The following DDC variants were observed in gnomAD, a reference collection of about 807,000 sequenced individuals.
The protein encoded by DDC is dopa decarboxylase.
DDC carries 43 observed loss-of-function variants against 60.0 expected under a neutral mutation model. The observed-to-expected ratio is 0.72, with a 90% confidence interval of 0.56 to 0.92. The LOEUF is 0.92. Ranked by LOEUF, DDC falls within the 40% of genes least tolerant of loss-of-function variation. The pLI is 0.00. For missense variants in DDC, 573 were observed against 620.2 expected (o/e 0.92, Z 0.81); for synonymous variants, 232 against 234.6 (o/e 0.99, Z 0.10).
At chr7:50,526,287 T>C (rs889602892) in intron 6 of DDC, among the ~76,000 whole-genome samples, 4 of 152,166 alleles carry the variant, frequency 2.6e-5, no homozygotes, top group Admixed American at 1.3e-4. Context: ...TCAATGGACT[T>C]ATACAAAGTA....
At chr7:50,548,858 AAAACTTC>A (rs1173511805) in intron 1 of DDC, among the ~76,000 whole-genome samples, 1 of 152,242 alleles carries the variant, frequency 6.6e-6, no homozygotes, top group African/African-American at 2.4e-5. Context: ...GCCCGGCTTC[AAAACTTC>A]AAAGTACAGG....
chr7:50,499,066 G>A, intron 8 of DDC, 82 bp downstream of exon 8: 2 of 1,087,096 alleles, frequency 1.8e-6, no homozygotes, highest in South Asian at 2.5e-5. Context: ...GCAAGAGACT[G>A]GACGTCAGCT....
At chr7:50,549,983 T>C (rs1040985865) in intron 1 of DDC, among the ~76,000 whole-genome samples, 3 of 152,174 alleles carry the variant, frequency 2.0e-5, no homozygotes, top group Non-Finnish European at 4.4e-5. Context: ...ATTTAGAATA[T>C]TACATAAACT....
At chr7:50,512,626 C>T (rs1299294933) in intron 6 of DDC, among the ~76,000 whole-genome samples, 2 of 152,174 alleles carry the variant, frequency 1.3e-5, no homozygotes, top group East Asian at 3.8e-4. Context: ...GAACTGTCCT[C>T]CAAATATTGG....
intron 9 of DDC, among the ~76,000 whole-genome samples, chr7:50,491,057 A>G (rs1053479069): frequency 3.9e-5 from 6 of 152,172 alleles, no homozygotes; most frequent in Admixed American, 6.5e-5. Flanking sequence ...CCTGGCTACA[A>G]TTCTGGAAAA....
rs748439275 is a variant in DDC, at chr7:50,539,945, G to T, written c.285C>A (p.Cys95Ter). The change falls in exon 3 of 15, where the codon TGC becomes TGA. Residue 95 changes from cysteine to a stop codon, truncating the protein, a stop_gained. Coordinates refer to ENST00000444124, the MANE Select transcript of DDC (RefSeq NM_001082971.2). LOFTEE classifies it high-confidence loss of function. Reference sequence around the variant, plus strand: ...AGAAGCCGATGCAGCCAATGGCCCCGCACAGCATGTCCGCAAGCATGGCCG... The same window carrying T: ...AGAAGCCGATGCAGCCAATGGCCCCTCACAGCATGTCCGCAAGCATGGCCG... Reference protein sequence around the residue: ...SYPAMLADMLCGAIGCIGFSW... With the variant: ...SYPAMLADML 6.2e-7 allele frequency: 1 copy of T among 1,613,692 alleles called. No individual in the cohort carries two copies. The highest frequency in any genetic ancestry group is 8.5e-7 in the Non-Finnish European group (1 of 1,179,876).
intron 6 of DDC, among the ~76,000 whole-genome samples, chr7:50,511,766 A>C (rs1350901427): frequency 6.6e-6 from 1 of 152,154 alleles, no homozygotes; most frequent in East Asian, 1.9e-4. Flanking sequence ...ATTGATTCAC[A>C]TACTAAGAGA....
intron 1 of DDC, among the ~76,000 whole-genome samples, chr7:50,544,941 A>G (rs1169265618): frequency 6.6e-6 from 1 of 152,240 alleles, no homozygotes; most frequent in Admixed American, 6.5e-5. Context: ...ACTCACAGCC[A>G]ACAGCACTGT....
intron 1 of DDC, among the ~76,000 whole-genome samples, chr7:50,564,969 A>G (rs1336871495): frequency 6.6e-6 from 1 of 152,174 alleles, no homozygotes; most frequent in African/African-American, 2.4e-5. Flanking sequence ...ACCCAACACC[A>G]TCCCTGGTGG....
chr7:50,502,607 G>T (rs1229805009), intron 7 of DDC, among the ~76,000 whole-genome samples: 3 of 152,194 alleles, frequency 2.0e-5, no homozygotes, highest in African/African-American at 7.2e-5. Context: ...CCCCAGCCCG[G>T]GGCTGTGCAC....
At chr7:50,466,383 G>T (rs975255281) in intron 13 of DDC, among the ~76,000 whole-genome samples, 7 of 151,354 alleles carry the variant, frequency 4.6e-5, no homozygotes, top group African/African-American at 1.5e-4. Context: ...TACTCAAAAG[G>T]CTGAAGCAGG....
chr7:50,523,055 A>G (rs2043942776), intron 6 of DDC, among the ~76,000 whole-genome samples: 1 of 152,204 alleles, frequency 6.6e-6, no homozygotes, highest in South Asian at 2.1e-4. Flanking sequence ...GAGGATTACA[A>G]TTCCACATGG....
rs937021153 is a variant in DDC, at chr7:50,540,381, C to T, written c.202-353G>A. 4.6e-5 allele frequency among the ~76,000 whole-genome samples: 7 copies of T among 152,056 alleles called. No homozygotes were observed. In the South Asian group the frequency reaches 6.2e-4, roughly 14 times the overall value. ...CACACTGTGCTTCAAGTTCTTGCTCCGGTGCTCTCGTCAGTGAAGGCGCTG... is the reference window on the plus strand; with the variant it reads ...CACACTGTGCTTCAAGTTCTTGCTCTGGTGCTCTCGTCAGTGAAGGCGCTG... On this transcript the variant is annotated intron_variant, in intron 2 of 14. Coordinates refer to ENST00000444124, the MANE Select transcript of DDC (RefSeq NM_001082971.2).
chr7:50,562,471 G>T lies in DDC; in HGVS notation c.-29+2814C>A, dbSNP rs540318400. The stretch of plus-strand genomic sequence containing the variant: ...TGAGTTCAGCCATGACCACAGAGGA[G>T]AGGCAGGCCCCAGCCGTGAGCATTG... On this transcript the variant is annotated intron_variant, in intron 1 of 14. Transcript: ENST00000444124. 3.3e-5 allele frequency among the ~76,000 whole-genome samples: 5 copies of T among 152,370 alleles called. No individual in the cohort carries two copies. The South Asian group carries it at 1.0e-3, about 32-fold the overall frequency.
intron 5 of DDC, 112 bp from the exon 6 acceptor site, chr7:50,528,392 G>T: frequency 2.3e-6 from 3 of 1,323,782 alleles, no homozygotes; most frequent in Non-Finnish European, 3.2e-6. Context: ...CCCTCTTAAC[G>T]GCACAGGAGG....
intron 6 of DDC, among the ~76,000 whole-genome samples, chr7:50,505,635 A>G (rs7809758): frequency 0.36 from 54,345 of 152,252 alleles, 9,971 homozygotes; most frequent in Admixed American, 0.44. Flanking sequence ...GTCAGCCTGC[A>G]GAAGGTTCGT....
intron 11 of DDC, among the ~76,000 whole-genome samples, chr7:50,473,383 G>A (rs1195357035): frequency 1.3e-5 from 2 of 151,910 alleles, no homozygotes; most frequent in Non-Finnish European, 2.9e-5. Context: ...CCTGCTTCCT[G>A]GGGCTGGTAT....
chr7:50,465,049 G>A (rs1341322129), intron 13 of DDC, among the ~76,000 whole-genome samples: 3 of 152,198 alleles, frequency 2.0e-5, no homozygotes, highest in Non-Finnish European at 4.4e-5. Context: ...TCACTATATG[G>A]CATGAGAGAA....
intron 6 of DDC, among the ~76,000 whole-genome samples, chr7:50,527,257 A>G (rs2044064439): frequency 6.6e-6 from 1 of 152,086 alleles, no homozygotes. Flanking sequence ...TTTTTATTTC[A>G]TGAGTTTTGA....
Sources: gnomAD v4.1 joint callset for allele counts (sites outside exome capture counted in the v4.1 genomes callset) on GRCh38, gnomAD v4.1.1 for gene constraint, MANE v1.5 for transcripts, NCBI Gene and HGNC (gene_info 2026-07-23, HGNC 2026-07-21) for gene names.